The following KRT26 variants were observed in gnomAD, a reference collection of about 807,000 sequenced individuals.
The protein encoded by KRT26 is keratin 26.
In KRT26, 45 loss-of-function variants were observed where a neutral mutation model predicts 46.1. The ratio of observed to expected loss-of-function variants is 0.98; its 90% CI spans 0.77 to 1.25. The LOEUF is 1.25. KRT26 is among the 50% of genes most tolerant of loss of function. The probability of loss-of-function intolerance (pLI) is 0.00; values close to 1 mark genes in which losing one functional copy is unlikely to be tolerated. For missense variants in KRT26, 582 were observed against 560.1 expected, an observed-to-expected ratio of 1.04 and a Z score of -0.39; for synonymous variants, 191 against 209.9, an observed-to-expected ratio of 0.91 and a Z score of 0.78.
rs1427304982 is a variant in KRT26 at position 40,767,595 on chromosome 17, G to A, written c.1246C>T (p.Gln416Ter). The stretch of plus-strand genomic sequence containing the variant: ...AAAAATCTATCTATACCTTTGGCTT[G>A]ATTTCCAGAATTCACAGGCCTGTAT... The change falls in exon 7 of 8, where the codon CAA becomes TAA. Residue 416 changes from glutamine (Q) to a stop codon, truncating the protein, a stop_gained. Coordinates refer to ENST00000335552, the Ensembl canonical transcript of KRT26. LOFTEE classifies it low-confidence loss of function (END_TRUNC). 1 of 1,604,326 alleles carries A rather than the reference G, an allele frequency of 6.2e-7. No homozygotes were observed. Among genetic ancestry groups the A allele is most frequent in the Admixed American group, 1.7e-5 (1 of 58,692 alleles).
intron 6 of KRT26, 148 bp downstream of exon 6, chr17:40,768,731 C>T (rs1339421949): frequency 2.0e-6 from 1 of 491,288 alleles, no homozygotes; most frequent in East Asian, 3.2e-5. Flanking sequence ...GTTTTAATTT[C>T]ACTTGGCTGC....
exon 3 of KRT26, chr17:40,770,314 A>T (rs751087215): frequency 4.3e-6 from 7 of 1,614,136 alleles, no homozygotes; most frequent in Non-Finnish European, 5.9e-6. Context: ...CTGTATCTCC[A>T]GGTCGGTTGT....
chr17:40,771,248 A>G lies in KRT26; in HGVS notation c.442-12T>C. 1 of 1,503,594 alleles carries G rather than the reference A, an allele frequency of 6.7e-7. No individual in the cohort carries two copies. The highest frequency in any genetic ancestry group is 9.2e-7 in the Non-Finnish European group (1 of 1,087,336). The allele number at this position is 1,503,594 out of a possible 1,614,324, so 93.1% of individuals were successfully genotyped here. On this transcript the variant is annotated splice_polypyrimidine_tract_variant and intron_variant, in intron 1 of 7. Coordinates refer to ENST00000335552, the Ensembl canonical transcript of KRT26. ...GTCGCAGAAATAATCTAAATAGGGAAGATTGTGAAAAATGTTAATTACCAA... is the reference window on the plus strand; with the variant it reads ...GTCGCAGAAATAATCTAAATAGGGAGGATTGTGAAAAATGTTAATTACCAA...
At chr17:40,771,190 T>G in exon 2 of KRT26, 1 of 1,608,814 alleles carries the variant, frequency 6.2e-7, no homozygotes, top group Non-Finnish European at 8.5e-7. Context: ...TCTGGCATTG[T>G]CATTTTGTAG....
At position 40,767,573 on chromosome 17, in the gene KRT26, A is replaced by G; in HGVS notation, c.1255+13T>C. On this transcript the variant is annotated intron_variant, in intron 7 of 7. Transcript: ENST00000335552. ...TTAAGGAGTTACACCAGGTAAAAAA[A>G]ATCTATCTATACCTTTGGCTTGATT... The G allele has an allele frequency of 6.4e-7, 1 of 1,558,934 alleles. No homozygotes were observed. Among genetic ancestry groups the G allele is most frequent in the Non-Finnish European group, 8.7e-7 (1 of 1,147,998 alleles).
rs1051202619 is a variant in KRT26, at chr17:40,768,761, G to T, written c.1187+118C>A. On this transcript the variant is annotated intron_variant, in intron 6 of 7. Coordinates refer to ENST00000335552, the Ensembl canonical transcript of KRT26. Reference sequence around the variant, plus strand: ...GGCTGCAATAATATACATTCCTGAGGATAAATATGTATGATCTCCAGAGTA... The same window carrying T: ...GGCTGCAATAATATACATTCCTGAGTATAAATATGTATGATCTCCAGAGTA... 4 of 585,346 alleles carry T rather than the reference G, an allele frequency of 6.8e-6. No homozygotes were observed. In the East Asian group the frequency reaches 1.1e-4, roughly 17 times the overall value. 36.3% of individuals were successfully genotyped at this position (585,346 alleles called of 1,614,324 possible). A position where few individuals can be genotyped will look rare whatever the true frequency, so the allele number is the denominator to read the frequency against.
At chr17:40,766,309 C>A (rs1055794377) in exon 8 of KRT26, 49 of 384,812 alleles carry the variant, frequency 1.3e-4, no homozygotes, top group Non-Finnish European at 1.5e-4. Flanking sequence ...AGGGACAGAG[C>A]AGGATTTTTC....
At chr17:40,768,954 T>C in exon 6 of KRT26, 8 of 1,612,584 alleles carry the variant, frequency 5.0e-6, no homozygotes, top group Non-Finnish European at 6.8e-6. Context: ...AAGAAGCTGT[T>C]CATACTCCAG....
chr17:40,770,048 T>G, exon 4 of KRT26: 1 of 1,614,128 alleles, frequency 6.2e-7, no homozygotes, highest in Non-Finnish European at 8.5e-7. Flanking sequence ...ACAGGACAGT[T>G]AGGTCCACTC....
chr17:40,771,108 T>C, intron 2 of KRT26, 46 bp downstream of exon 2: 1 of 1,119,684 alleles, frequency 8.9e-7, no homozygotes, highest in Non-Finnish European at 1.3e-6. Context: ...CCAATTGTAA[T>C]ATTTTAACTT....
intron 5 of KRT26, among the ~76,000 whole-genome samples, chr17:40,769,513 G>A (rs1441453397): frequency 1.3e-5 from 2 of 152,012 alleles, no homozygotes; most frequent in Non-Finnish European, 2.9e-5. Flanking sequence ...TATAAGGTCT[G>A]AATATTTTCA....
At chr17:40,770,294 G>C in exon 3 of KRT26, 1 of 1,614,082 alleles carries the variant, frequency 6.2e-7, no homozygotes, top group Non-Finnish European at 8.5e-7. Flanking sequence ...TCCTCACTGA[G>C]GGTCTCACAC....
intron 5 of KRT26, 65 bp from the exon 6 acceptor site, chr17:40,769,161 TTTTA>T (rs200744358): frequency 0.049 from 50,764 of 1,032,476 alleles, 1,796 homozygotes; most frequent in Non-Finnish European, 0.055. Context: ...TCTTATATTA[TTTTA>T]TTTATTTTTT....
Position 40,769,226 on chromosome 17 carries a change from T to C in KRT26, c.970-130A>G. ...CAGGCTGAGTGCAGTGGCATGATCT[T>C]GGCTCACTGCAGCCTCTCTTCCTGT... On this transcript the variant is annotated intron_variant, in intron 5 of 7. Transcript: ENST00000335552. 1.0e-5 allele frequency: 6 copies of C among 588,206 alleles called. No homozygotes were observed. In the South Asian group the frequency reaches 1.4e-4, roughly 14 times the overall value. 36.4% of individuals were successfully genotyped at this position (588,206 alleles called of 1,614,324 possible).
exon 3 of KRT26, chr17:40,770,372 C>T (rs765589041): frequency 6.2e-7 from 1 of 1,612,046 alleles, no homozygotes; most frequent in East Asian, 2.2e-5. Flanking sequence ...CTGGTGTCGG[C>T]CTCAACACTG....
At position 40,771,783 on chromosome 17, in the gene KRT26, G is replaced by A. The variant is rs778138004; in HGVS notation, c.331C>T (p.Leu111=). Reference sequence around the variant, plus strand: ...TACCAGCCCTTGATCTTCTGCTCCAGGTCTGCGTTGGCCTCCTCTAGAGCA... The same window carrying A: ...TACCAGCCCTTGATCTTCTGCTCCAAGTCTGCGTTGGCCTCCTCTAGAGCA... The change falls in exon 1 of 8, where the codon CTG becomes TTG. Residue 111 remains leucine (L), a synonymous_variant. Coordinates refer to ENST00000335552, the Ensembl canonical transcript of KRT26. The A allele has an allele frequency of 1.9e-6, 3 of 1,614,024 alleles. No individual in the cohort carries two copies. In the African/African-American group the frequency reaches 4.0e-5, roughly 22 times the overall value.
exon 6 of KRT26, chr17:40,769,078 A>G (rs1434705123): frequency 6.2e-7 from 1 of 1,613,098 alleles, no homozygotes; most frequent in Non-Finnish European, 8.5e-7. Flanking sequence ...TCAGCCAAGG[A>G]GCATTCATAG....
Position 40,770,319 on chromosome 17 carries a change from G to T in KRT26, c.615C>A (p.Thr205=), listed in dbSNP as rs780850839. The T allele has an allele frequency of 3.7e-6, 6 of 1,614,080 alleles. No homozygotes were observed. The South Asian group carries it at 6.6e-5, about 18-fold the overall frequency. ...GGGTCTCACACTGTATCTCCAGGTCGGTTGTACAAAGGGTCAGTTCATCCA... is the reference window on the plus strand; with the variant it reads ...GGGTCTCACACTGTATCTCCAGGTCTGTTGTACAAAGGGTCAGTTCATCCA... The change falls in exon 3 of 8, where the codon ACC becomes ACA. Residue 205 remains threonine (T), a synonymous_variant. Coordinates refer to ENST00000335552, the Ensembl canonical transcript of KRT26.
intron 2 of KRT26, 46 bp from the exon 3 acceptor site, chr17:40,770,455 G>A (rs1277766425): frequency 5.4e-6 from 8 of 1,480,070 alleles, no homozygotes; most frequent in Non-Finnish European, 7.3e-6. Flanking sequence ...GTAGGCAGGT[G>A]CAAAGCACAA....
Sources: gnomAD v4.1 joint callset for allele counts (sites outside exome capture counted in the v4.1 genomes callset) on GRCh38, gnomAD v4.1.1 for gene constraint, MANE v1.5 for transcripts, NCBI Gene and HGNC (gene_info 2026-07-23, HGNC 2026-07-21) for gene names.